MMP17: variants seen among roughly 807,000 people sequenced by gnomAD.
The protein encoded by MMP17 is matrix metalloproteinase-17.
A neutral mutation model predicts 49.1 loss-of-function variants in MMP17; 54 were observed. The observed-to-expected ratio is 1.10, with a 90% CI of 0.88 to 1.38. MMP17 has a LOEUF of 1.38. MMP17 is among the 40% of genes most tolerant of loss of function. The probability of loss-of-function intolerance (pLI) is 0.00; values close to 1 mark genes in which losing one functional copy is unlikely to be tolerated. For missense variants in MMP17, 837 were observed against 853.7 expected (o/e 0.98, Z 0.24); for synonymous variants, 397 against 383.1 (o/e 1.04, Z -0.42).
Position 131,844,045 on chromosome 12 carries a change from T to C in MMP17, c.932T>C (p.Leu311Pro). 1.3e-6 allele frequency: 2 copies of C among 1,570,088 alleles called. No individual in the cohort carries two copies. Among genetic ancestry groups the C allele is most frequent in the South Asian group, 1.2e-5 (1 of 85,934 alleles). The change falls in exon 6 of 10, where the codon CTG (leucine) becomes CCG (proline). Residue 311 changes from leucine to proline, a missense_variant. Transcript: ENST00000360564. ...SPTAQPEEPP[L>P]LPEPPDNRSS... The stretch of plus-strand genomic sequence containing the variant: ...ACGGCGCAGCCCGAGGAGCCTCCCC[T>C]GCTGCCGGAGCCCCCAGACAACCGG...
intron 1 of MMP17, among the ~76,000 whole-genome samples, chr12:131,836,552 A>G (rs1430334254): frequency 1.3e-5 from 2 of 151,128 alleles, no homozygotes; most frequent in African/African-American, 4.9e-5. Flanking sequence ...AAGCCACATG[A>G]AACTACTAGT....
At position 131,838,891 on chromosome 12, in the gene MMP17, A is replaced by G. The variant is rs113551709; in HGVS notation, c.422+150A>G. On this transcript the variant is annotated intron_variant, in intron 3 of 9. Coordinates refer to ENST00000360564, the MANE Select transcript of MMP17 (RefSeq NM_016155.7). ...CGGGTGCGTGGCCAGGGTGAGGAAC[A>G]GGGTCTCCGTGGAGGTGGGCGCGTG... 373 of 611,698 alleles carry G rather than the reference A, an allele frequency of 6.1e-4. 2 individuals carry two copies. The highest frequency in any genetic ancestry group is 6.8e-4 in the South Asian group (22 of 32,298). 37.9% of individuals were successfully genotyped at this position (611,698 alleles called of 1,614,324 possible). A position where few individuals can be genotyped will look rare whatever the true frequency, so the allele number is the denominator to read the frequency against.
chr12:131,850,037 C>CCG lies in MMP17; in HGVS notation c.1440_1441insCG (p.Asp481ArgfsTer122). The CCG allele has an allele frequency of 6.2e-7, 1 of 1,612,460 alleles. No homozygotes were observed. Among genetic ancestry groups the CCG allele is most frequent in the Non-Finnish European group, 8.5e-7 (1 of 1,179,586 alleles). On this transcript the variant is annotated frameshift_variant, in exon 9 of 10. Coordinates refer to ENST00000360564, the MANE Select transcript of MMP17 (RefSeq NM_016155.7). LOFTEE classifies it low-confidence loss of function (END_TRUNC). ...GGAGGGGTGTCCCCAGCACGCTGGA[C>CCG]GACGCCATGCGCTGGTCCGACGGTG...
intron 1 of MMP17, among the ~76,000 whole-genome samples, chr12:131,836,057 C>T (rs990268293): frequency 6.6e-6 from 1 of 152,204 alleles, no homozygotes; most frequent in African/African-American, 2.4e-5. Context: ...AGCTGCCCAC[C>T]CCAGTCATGA....
Position 131,848,721 on chromosome 12 carries a change from C to T in MMP17, c.1205-1081C>T, listed in dbSNP as rs146763669. On this transcript the variant is annotated intron_variant, in intron 8 of 9. Coordinates refer to ENST00000360564, the MANE Select transcript of MMP17 (RefSeq NM_016155.7). ...CTCGTGTCACTCAGCGGAAGGTCCT[C>T]GGGGCTCATACACGCGGTGGCACGT... 1.2e-3 allele frequency among the ~76,000 whole-genome samples: 185 copies of T among 152,292 alleles called. 4 individuals are homozygous for T. In the East Asian group the frequency reaches 0.029, roughly 24 times the overall value.
Position 131,850,006 on chromosome 12 carries a change from C to T in MMP17, c.1409C>T (p.Pro470Leu), listed in dbSNP as rs984171158. The T allele has an allele frequency of 1.9e-6, 3 of 1,613,444 alleles. No homozygotes were observed. The highest frequency in any genetic ancestry group is 2.5e-6 in the Non-Finnish European group (3 of 1,179,896). The change falls in exon 9 of 10, where the codon CCC (proline) becomes CTC (leucine). Residue 470 changes from proline to leucine, a missense_variant. Coordinates refer to ENST00000360564, the MANE Select transcript of MMP17 (RefSeq NM_016155.7). ...GACCCCGGCTACCCCGCCCAGAGCCCCCTGTGGAGGGGTGTCCCCAGCACG... is the reference window on the plus strand; with the variant it reads ...GACCCCGGCTACCCCGCCCAGAGCCTCCTGTGGAGGGGTGTCCCCAGCACG... ...HMDPGYPAQS[P>L]LWRGVPSTLD... is the part of the protein sequence containing the mutation.
At chr12:131,838,387 C>A in intron 2 of MMP17, 60 bp downstream of exon 2, 1 of 1,583,994 alleles carries the variant, frequency 6.3e-7, no homozygotes, top group South Asian at 1.1e-5. Context: ...CGCCCGTCGG[C>A]CATGCCCCCT....
intron 4 of MMP17, 50 bp from the exon 5 acceptor site, chr12:131,841,574 G>T: frequency 6.2e-7 from 1 of 1,600,536 alleles, no homozygotes; most frequent in African/African-American, 1.3e-5. Context: ...CCTCCCCGCG[G>T]GGACAGGGCC....
rs1242089825 is a variant in MMP17, at chr12:131,840,579, G to A, written c.429G>A (p.Arg143=). ...GGCTGACCCCTGCCTGCAGGGTCCG[G>A]ACGTTCCCACGGGACTCACCACTGG... ...WNKRNLSWRV[R]TFPRDSPLGH... Residue 143 remains arginine (R), a synonymous_variant, in exon 4 of 10, where the codon CGG becomes CGA. Coordinates refer to ENST00000360564, the MANE Select transcript of MMP17 (RefSeq NM_016155.7). 4.4e-6 allele frequency: 7 copies of A among 1,588,186 alleles called. No individual in the cohort carries two copies. The highest frequency in any genetic ancestry group is 6.0e-6 in the Non-Finnish European group (7 of 1,166,260).
intron 1 of MMP17, among the ~76,000 whole-genome samples, chr12:131,833,774 C>T (rs981834504): frequency 8.5e-5 from 13 of 152,214 alleles, no homozygotes; most frequent in African/African-American, 2.7e-4. Flanking sequence ...AGGGGCCAGG[C>T]CCAGGCGCCA....
intron 1 of MMP17, among the ~76,000 whole-genome samples, chr12:131,833,528 G>A (rs769225761): frequency 2.0e-5 from 3 of 152,244 alleles, no homozygotes; most frequent in Non-Finnish European, 4.4e-5. Flanking sequence ...GCCCCCAGAG[G>A]AGGCCGGTGC....
At chr12:131,843,099 G>A (rs1293259198) in intron 5 of MMP17, among the ~76,000 whole-genome samples, 1 of 151,924 alleles carries the variant, frequency 6.6e-6, no homozygotes, top group Non-Finnish European at 1.5e-5. Flanking sequence ...GAGTAGCTGG[G>A]ACTACAGGTG....
At position 131,837,629 on chromosome 12, in the gene MMP17, G is replaced by A. The variant is rs185917625; in HGVS notation, c.160-566G>A. Reference sequence around the variant, plus strand: ...CTAGCATTTTGCGGTCTCAGGAGGCGTGGGGTGGGGCAGGGTTGCCATGAG... The same window carrying A: ...CTAGCATTTTGCGGTCTCAGGAGGCATGGGGTGGGGCAGGGTTGCCATGAG... On this transcript the variant is annotated intron_variant, in intron 1 of 9. Coordinates refer to ENST00000360564, the MANE Select transcript of MMP17 (RefSeq NM_016155.7). Among the ~76,000 whole-genome samples the A allele has an allele frequency of 1.2e-3, 179 of 152,380 alleles. 2 individuals carry two copies. Among genetic ancestry groups the A allele is most frequent in the Middle Eastern group, 3.4e-3 (1 of 294 alleles).
chr12:131,849,377 G>A (rs1024865907), intron 8 of MMP17, among the ~76,000 whole-genome samples: 1 of 152,148 alleles, frequency 6.6e-6, no homozygotes, highest in Non-Finnish European at 1.5e-5. Context: ...CCAGCTACGC[G>A]GGAGGCTGAG....
In MMP17 at chr12:131,849,818, G is replaced by T; in HGVS notation, c.1221G>T (p.Val407=). 6.2e-7 allele frequency: 1 copy of T among 1,613,678 alleles called. No individual in the cohort carries two copies. The highest frequency in any genetic ancestry group is 8.5e-7 in the Non-Finnish European group (1 of 1,179,876). The change falls in exon 9 of 10, where the codon GTG becomes GTT. Residue 407 remains valine (V), a synonymous_variant. Coordinates refer to ENST00000360564, the MANE Select transcript of MMP17 (RefSeq NM_016155.7). ...CGCCCCCAGGAGACAGGTACTGGGT[G>T]TTCAAGGACAATAACGTAGAGGAAG... ...IVFFKGDRYW[V]FKDNNVEEGY... is the part of the protein sequence containing the mutation.
intron 1 of MMP17, among the ~76,000 whole-genome samples, chr12:131,836,603 A>G (rs1887096936): frequency 6.6e-6 from 1 of 151,360 alleles, no homozygotes; most frequent in Non-Finnish European, 1.5e-5. Context: ...GGGCACTTTC[A>G]TATGATTTGG....
At chr12:131,836,868 TA>T (rs369264609) in intron 1 of MMP17, among the ~76,000 whole-genome samples, 8 of 152,092 alleles carry the variant, frequency 5.3e-5, no homozygotes, top group Admixed American at 2.6e-4. Flanking sequence ...AAACTGAAGC[TA>T]GGGGTGGAGG....
chr12:131,841,925 G>C, intron 5 of MMP17, 125 bp downstream of exon 5: 1 of 1,116,908 alleles, frequency 9.0e-7, no homozygotes, highest in Non-Finnish European at 1.2e-6. Context: ...GGATGGTGCC[G>C]TGCCAGCTGG....
At position 131,828,600 on chromosome 12, in the gene MMP17, G is replaced by A. The variant is rs575061848; in HGVS notation, c.106G>A (p.Gly36Ser). 6,092 of 934,236 alleles carry A rather than the reference G, an allele frequency of 6.5e-3. 30 individuals are homozygous for A. Among genetic ancestry groups the A allele is most frequent in the Non-Finnish European group, 7.5e-3 (5,759 of 764,826 alleles). 57.9% of individuals were successfully genotyped at this position (934,236 alleles called of 1,614,324 possible). The change falls in exon 1 of 10, where the codon GGC (glycine) becomes AGC (serine). Residue 36 changes from glycine (G) to serine (S), a missense_variant. Transcript: ENST00000360564. ...GCTGCTGGCGCTGGGGACCCGCGGG[G>A]GCTGCGCCGCGCCCGCACCCGCGCC... ...LLLLALGTRG[G>S]CAAPAPAPRA... is the part of the protein sequence containing the mutation.
Sources: allele counts gnomAD v4.1 joint callset (sites outside exome capture counted in the v4.1 genomes callset), GRCh38; gene constraint gnomAD v4.1.1; transcripts MANE v1.5; gene names NCBI Gene and HGNC (gene_info 2026-07-23, HGNC 2026-07-21).